Variants in ABCC2 observed in about 807,000 individuals in gnomAD.
The protein encoded by ABCC2 is ATP-binding cassette sub-family C member 2.
ABCC2 carries 157 observed loss-of-function variants against 173.4 expected under a neutral mutation model. The observed-to-expected ratio is 0.91, with a 90% CI of 0.80 to 1.03. ABCC2 has a LOEUF of 1.03. ABCC2 is among the 50% of genes least tolerant of loss of function. The pLI is 0.00. For missense variants in ABCC2, 1,822 were observed against 1,852.3 expected (o/e 0.98, Z 0.30); for synonymous variants, 657 against 693.5 (o/e 0.95, Z 0.83).
intron 16 of ABCC2, among the ~76,000 whole-genome samples, chr10:99,814,652 C>CACATATGTGTATAT (rs1181254709): frequency 6.9e-5 from 7 of 100,960 alleles, no homozygotes; most frequent in East Asian, 8.6e-4. Flanking sequence ...CACATATACA[C>CACATATGTGTATAT]ACACATATGT....
intron 14 of ABCC2, among the ~76,000 whole-genome samples, chr10:99,811,249 G>C (rs748298534): frequency 1.3e-5 from 2 of 151,840 alleles, no homozygotes; most frequent in Non-Finnish European, 2.9e-5. Context: ...AGAATCTCTT[G>C]AGCCCGGAAA....
chr10:99,792,813 G>C (rs1385486579), intron 3 of ABCC2, among the ~76,000 whole-genome samples: 1 of 152,192 alleles, frequency 6.6e-6, no homozygotes. Flanking sequence ...CCTAGACAGT[G>C]TTTAAATAGC....
intron 29 of ABCC2, 22 bp downstream of exon 29, chr10:99,845,804 G>A (rs745464416): frequency 1.9e-5 from 31 of 1,600,970 alleles, no homozygotes; most frequent in Non-Finnish European, 2.5e-5. Flanking sequence ...AACTTACTCG[G>A]GCACATGCCG....
chr10:99,822,442 C>T (rs1433901225), intron 19 of ABCC2, among the ~76,000 whole-genome samples: 1 of 151,584 alleles, frequency 6.6e-6, no homozygotes, highest in African/African-American at 2.4e-5. Context: ...TCTCCGTCTC[C>T]GCGGAGGTGC....
chr10:99,844,263 G>T, intron 27 of ABCC2, 59 bp from the exon 28 acceptor site: 3 of 1,606,544 alleles, frequency 1.9e-6, no homozygotes, highest in Non-Finnish European at 2.6e-6. Flanking sequence ...GTCCTGGGTG[G>T]ACTGTTCGGC....
chr10:99,800,758 G>A (rs2038003648), intron 9 of ABCC2, among the ~76,000 whole-genome samples, 195 bp downstream of exon 9: 1 of 152,180 alleles, frequency 6.6e-6, no homozygotes, highest in Non-Finnish European at 1.5e-5. Flanking sequence ...TGGGTGGAGA[G>A]GCCAGGAGGG....
At chr10:99,797,821 C>T (rs879344500) in intron 7 of ABCC2, 1 of 188,802 alleles carries the variant, frequency 5.3e-6, no homozygotes, top group Non-Finnish European at 1.1e-5. Context: ...GAGTGAAGTG[C>T]GACTTGAGAC....
At position 99,805,310 on chromosome 10, in the gene ABCC2, G is replaced by A. The variant is rs1394232863; in HGVS notation, c.1465-72G>A. Reference sequence around the variant, plus strand: ...CAGCCACAAAGTAGCAGTGAGGCCTGATGTCTGCAGCAAACCTGAGCCCTC... The same window carrying A: ...CAGCCACAAAGTAGCAGTGAGGCCTAATGTCTGCAGCAAACCTGAGCCCTC... On this transcript the variant is annotated intron_variant, in intron 10 of 31. Transcript: ENST00000647814. 19 of 1,386,276 alleles carry A rather than the reference G, an allele frequency of 1.4e-5. No homozygotes were observed. In the East Asian group the frequency reaches 3.9e-4, roughly 29 times the overall value. The allele number at this position is 1,386,276 out of a possible 1,614,324, so 85.9% of individuals were successfully genotyped here. A position where few individuals can be genotyped will look rare whatever the true frequency, so the allele number is the denominator to read the frequency against.
At position 99,814,777 on chromosome 10, in the gene ABCC2, A is replaced by G. The variant is rs144792952; in HGVS notation, c.2094+1633A>G. ...TATACACACACATATATGTGTGTGTATGTATATACACACACACATATGTGT... is the reference window on the plus strand; with the variant it reads ...TATACACACACATATATGTGTGTGTGTGTATATACACACACACATATGTGT... On this transcript the variant is annotated intron_variant, in intron 16 of 31. Coordinates refer to ENST00000647814, the MANE Select transcript of ABCC2 (RefSeq NM_000392.5). Among the ~76,000 whole-genome samples the G allele has an allele frequency of 1.6e-4, 19 of 122,158 alleles. No homozygotes were observed. In the East Asian group the frequency reaches 1.7e-3, roughly 11 times the overall value. 80.1% of individuals were successfully genotyped at this position (122,158 alleles called of 152,430 possible).
chr10:99,839,142 A>C (rs1207387686), intron 25 of ABCC2, among the ~76,000 whole-genome samples: 34 of 51,106 alleles, frequency 6.7e-4, no homozygotes, highest in Non-Finnish European at 8.2e-4. Context: ...CGGGGGGCCG[A>C]CCCCCCCACC....
rs986433981 is a variant in ABCC2 at position 99,811,621 on chromosome 10, A to G, written c.1967+19A>G. 2 of 1,613,634 alleles carry G rather than the reference A, an allele frequency of 1.2e-6. No individual in the cohort carries two copies. Among genetic ancestry groups the G allele is most frequent in the African/African-American group, 1.3e-5 (1 of 74,870 alleles). ...TCCGAGAGTGAGTTGCCTTCTTTCC[A>G]TCCTAATGTTCTTTAGCATTCTCAC... On this transcript the variant is annotated intron_variant, in intron 15 of 31. Coordinates refer to ENST00000647814, the MANE Select transcript of ABCC2 (RefSeq NM_000392.5).
chr10:99,850,012 G>A (rs539193889), intron 30 of ABCC2, among the ~76,000 whole-genome samples: 5 of 152,220 alleles, frequency 3.3e-5, no homozygotes, highest in East Asian at 1.9e-4. Context: ...AAGACATCAC[G>A]TTCATTAGAC....
At chr10:99,829,654 G>A (rs1408542785) in intron 19 of ABCC2, among the ~76,000 whole-genome samples, 1 of 151,886 alleles carries the variant, frequency 6.6e-6, no homozygotes, top group East Asian at 1.9e-4. Context: ...TCTGTTTTGA[G>A]AGAGTCTCAC....
rs761462953 is a variant in ABCC2, at chr10:99,800,472, T to A, written c.1118T>A (p.Ile373Asn). The A allele has an allele frequency of 1.2e-6, 2 of 1,614,076 alleles. No individual in the cohort carries two copies. Among genetic ancestry groups the A allele is most frequent in the Non-Finnish European group, 8.5e-7 (1 of 1,180,034 alleles). The change falls in exon 9 of 32, where the codon ATT (isoleucine) becomes AAT (asparagine). Residue 373 changes from isoleucine to asparagine, a missense_variant. Transcript: ENST00000647814. ...CAILLFTAAL[I>N]QSFCLQCYFQ... ...ATCCTCTTATTCACTGCGGCTCTCA[T>A]TCAGTCTTTCTGCCTTCAGTGTTAT...
chr10:99,820,291 T>G (rs1316352922), intron 19 of ABCC2, among the ~76,000 whole-genome samples: 2 of 152,166 alleles, frequency 1.3e-5, no homozygotes, highest in Non-Finnish European at 2.9e-5. Context: ...CTTGGGAGGC[T>G]GAGGCAGGAG....
intron 17 of ABCC2, among the ~76,000 whole-genome samples, chr10:99,818,533 A>T (rs1275772200): frequency 6.6e-6 from 1 of 152,254 alleles, no homozygotes; most frequent in Non-Finnish European, 1.5e-5. Flanking sequence ...TCTGCTCTAC[A>T]TTGTCACAGG....
At chr10:99,815,773 A>G (rs554697484) in intron 16 of ABCC2, among the ~76,000 whole-genome samples, 1 of 152,308 alleles carries the variant, frequency 6.6e-6, no homozygotes, top group East Asian at 1.9e-4. Flanking sequence ...CAGCTGTTCT[A>G]CCATATACTG....
intron 9 of ABCC2, among the ~76,000 whole-genome samples, chr10:99,802,499 GTTT>G (rs56720847): frequency 3.4e-5 from 5 of 147,346 alleles, no homozygotes; most frequent in Non-Finnish European, 4.5e-5. Context: ...GTTAGTTGTT[GTTT>G]TTTTTTTTTT....
rs143278266 is a variant in ABCC2 at position 99,850,789 on chromosome 10, A to G, written c.4501A>G (p.Ser1501Gly). The G allele has an allele frequency of 5.0e-6, 8 of 1,614,194 alleles. No homozygotes were observed. The highest frequency in any genetic ancestry group is 6.8e-6 in the Non-Finnish European group (8 of 1,180,038). ...CCACAGGCTGCACACCATCATGGAC[A>G]GTGACAAGTGAGTGTAGGGGGACAG... is the stretch of plus-strand genomic sequence containing the variant. ...IAHRLHTIMDSDKVMVLDNGK... is the reference protein window; with the variant it reads ...IAHRLHTIMDGDKVMVLDNGK... The change falls in exon 31 of 32, where the codon AGT becomes GGT. Residue 1501 changes from serine (S) to glycine (G), a missense_variant. Ser to Gly is a moderately conservative substitution (Grantham distance 56, BLOSUM62 0). Coordinates refer to ENST00000647814, the MANE Select transcript of ABCC2 (RefSeq NM_000392.5).
Sources: allele counts gnomAD v4.1 joint callset (sites outside exome capture counted in the v4.1 genomes callset), GRCh38; gene constraint gnomAD v4.1.1; transcripts MANE v1.5; gene names NCBI Gene and HGNC (gene_info 2026-07-23, HGNC 2026-07-21).